RASSF8: variants seen among roughly 807,000 people sequenced by gnomAD.
RASSF8 encodes the protein ras association domain-containing protein 8.
RASSF8 carries 22 observed loss-of-function variants against 48.5 expected under a neutral mutation model. The observed-to-expected ratio is 0.45, with a 90% CI of 0.32 to 0.65. The LOEUF (loss-of-function observed/expected upper bound fraction) is 0.65, where lower values mean the gene tolerates loss of function less well. Ranked by LOEUF, RASSF8 falls within the 30% of genes least tolerant of loss-of-function variation. The pLI, the probability that RASSF8 is intolerant of heterozygous loss-of-function variation, is 0.03. For synonymous variants in RASSF8, 127 were observed against 171.5 expected, an observed-to-expected ratio of 0.74 and a Z score of 2.03; for missense variants, 418 against 489.2, an observed-to-expected ratio of 0.85 and a Z score of 1.37.
At chr12:26,039,492 G>A (rs1374818401) in intron 2 of RASSF8, among the ~76,000 whole-genome samples, 2 of 152,070 alleles carry the variant, frequency 1.3e-5, no homozygotes, top group Middle Eastern at 6.3e-3. Context: ...GGGGGTCGGT[G>A]TTGCAAAATG....
chr12:26,076,374 T>C (rs995286468), downstream of RASSF8, among the ~76,000 whole-genome samples: 1 of 152,154 alleles, frequency 6.6e-6, no homozygotes, highest in Non-Finnish European at 1.5e-5. Flanking sequence ...CATTAACTCG[T>C]CATTTACATT....
chr12:26,039,779 C>A (rs538978323), intron 2 of RASSF8, among the ~76,000 whole-genome samples: 1 of 152,260 alleles, frequency 6.6e-6, no homozygotes, highest in South Asian at 2.1e-4. Context: ...GAGGCGAAAA[C>A]TTTTGCTTTT....
intron 2 of RASSF8, among the ~76,000 whole-genome samples, chr12:26,047,797 T>A (rs1943403522): frequency 6.6e-6 from 1 of 152,216 alleles, no homozygotes; most frequent in Admixed American, 6.5e-5. Flanking sequence ...ATTGTAGGCA[T>A]GGCTTCAAAG....
Position 26,065,206 on chromosome 12 carries a change from G to C in RASSF8, c.812G>C (p.Gly271Ala). 1 of 1,614,164 alleles carries C rather than the reference G, an allele frequency of 6.2e-7. No individual in the cohort carries two copies. Among genetic ancestry groups the C allele is most frequent in the Non-Finnish European group, 8.5e-7 (1 of 1,180,028 alleles). ...GCACAGATCCGGACTATGGAAAGTG[G>C]TCTTGAAGCAGAAAAATTGCAACGG... ...YLAQIRTMES[G>A]LEAEKLQREV... Residue 271 changes from glycine to alanine, a missense_variant, in exon 4 of 6, where the codon GGT (glycine) becomes GCT (alanine). Coordinates refer to ENST00000689635, the MANE Select transcript of RASSF8 (RefSeq NM_001394098.1).
At chr12:26,014,489 T>C (rs1277147729) in intron 2 of RASSF8, among the ~76,000 whole-genome samples, 2 of 152,248 alleles carry the variant, frequency 1.3e-5, no homozygotes, top group Non-Finnish European at 2.9e-5. Flanking sequence ...AGCATTTTTC[T>C]GTATGTCTTG....
At chr12:26,067,170 C>T (rs1363379308) in intron 4 of RASSF8, among the ~76,000 whole-genome samples, 1 of 152,210 alleles carries the variant, frequency 6.6e-6, no homozygotes, top group Non-Finnish European at 1.5e-5. Context: ...ATTGCTGCAA[C>T]ACAGAGATGG....
rs181800260 is a variant in RASSF8, at chr12:26,006,624, G to A, written c.-109+11494G>A. ...TGTTTAAACCAGACACTTTGGAGAG[G>A]GAACTAGGGCACTATTGATAATTAC... On this transcript the variant is annotated intron_variant, in intron 2 of 5. Coordinates refer to ENST00000689635, the MANE Select transcript of RASSF8 (RefSeq NM_001394098.1). Among the ~76,000 whole-genome samples the A allele has an allele frequency of 1.7e-3, 260 of 152,214 alleles. 3 individuals carry two copies. The highest frequency in any genetic ancestry group is 6.0e-3 in the African/African-American group (249 of 41,528).
At chr12:25,993,576 C>A (rs1001528753) in intron 1 of RASSF8, among the ~76,000 whole-genome samples, 1 of 152,200 alleles carries the variant, frequency 6.6e-6, no homozygotes, top group Non-Finnish European at 1.5e-5. Context: ...TATTTAGCCT[C>A]TTCTCACTTG....
intron 2 of RASSF8, among the ~76,000 whole-genome samples, chr12:26,014,041 T>TG (rs1942588816): frequency 1.3e-5 from 2 of 152,318 alleles, no homozygotes; most frequent in South Asian, 4.1e-4. Flanking sequence ...TGTGGACCTT[T>TG]GTTGCTTTGT....
At chr12:26,018,265 G>C (rs1942699139) in intron 2 of RASSF8, among the ~76,000 whole-genome samples, 1 of 151,872 alleles carries the variant, frequency 6.6e-6, no homozygotes, top group African/African-American at 2.4e-5. Context: ...AATTTGTGTA[G>C]CAAATTTAGC....
intron 1 of RASSF8, among the ~76,000 whole-genome samples, chr12:25,992,525 G>T (rs73296959): frequency 6.6e-6 from 1 of 152,192 alleles, no homozygotes; most frequent in African/African-American, 2.4e-5. Flanking sequence ...GATAAGGGGA[G>T]TTTCCAGGGA....
At chr12:26,079,565 T>TG (rs1565655702) in exon 6 of RASSF8, 1 of 149,398 alleles carries the variant, frequency 6.7e-6, no homozygotes, top group Non-Finnish European at 1.5e-5. Flanking sequence ...CACTCCAGCC[T>TG]GGGTAACAGA....
exon 6 of RASSF8, chr12:26,079,103 G>T (rs371754151): frequency 1.9e-4 from 288 of 1,491,718 alleles, no homozygotes; most frequent in Non-Finnish European, 2.5e-4. Flanking sequence ...GGCAAGAAAA[G>T]CAAAAATGAA....
At position 26,028,337 on chromosome 12, in the gene RASSF8, T is replaced by C. The variant is rs141082946; in HGVS notation, c.-108-26899T>C. Among the ~76,000 whole-genome samples the C allele has an allele frequency of 9.8e-5, 15 of 152,332 alleles. No individual in the cohort carries two copies. In the East Asian group the frequency reaches 2.7e-3, roughly 27 times the overall value. On this transcript the variant is annotated intron_variant, in intron 2 of 5. Coordinates refer to ENST00000689635, the MANE Select transcript of RASSF8 (RefSeq NM_001394098.1). ...TTAGGTATCAAAAGATATGATGATGTGTGATAACCTTATTTGCCAGTGTGT... is the reference window on the plus strand; with the variant it reads ...TTAGGTATCAAAAGATATGATGATGCGTGATAACCTTATTTGCCAGTGTGT...
At chr12:25,958,644 GCCCGGCCCGGCCCGGCC>G (rs1290996548), upstream of RASSF8, 2 of 143,162 alleles carry the variant, frequency 1.4e-5, no homozygotes, top group South Asian at 2.0e-4. Flanking sequence ...GCCCGGCCCG[GCCCGGCCCGGCCCGGCC>G]CCCAGCCCGG....
chr12:25,958,348 T>C (rs1941128285), upstream of RASSF8: 1 of 151,294 alleles, frequency 6.6e-6, no homozygotes, highest in African/African-American at 2.4e-5. Flanking sequence ...CCTCGGTGCG[T>C]CGCGGGCCAG....
chr12:25,982,843 T>A (rs900443206), intron 1 of RASSF8, among the ~76,000 whole-genome samples: 6 of 152,234 alleles, frequency 3.9e-5, no homozygotes, highest in Non-Finnish European at 7.3e-5. Flanking sequence ...TCAGAAAAAC[T>A]GCCTAATATT....
intron 3 of RASSF8, among the ~76,000 whole-genome samples, chr12:26,058,502 C>G (rs1943660372): frequency 6.6e-6 from 1 of 150,780 alleles, no homozygotes. Context: ...GCGTCTTTGC[C>G]TCATGGGGGC....
At chr12:26,035,615 A>C (rs1341562578) in intron 2 of RASSF8, among the ~76,000 whole-genome samples, 1 of 141,708 alleles carries the variant, frequency 7.1e-6, no homozygotes, top group Non-Finnish European at 1.5e-5. Flanking sequence ...TATATATATA[A>C]TTTTATATAA....
Sources: gnomAD v4.1 joint callset for allele counts (sites outside exome capture counted in the v4.1 genomes callset) on GRCh38, gnomAD v4.1.1 for gene constraint, MANE v1.5 for transcripts, NCBI Gene and HGNC (gene_info 2026-07-23, HGNC 2026-07-21) for gene names.